The following CSGALNACT1 variants were observed in gnomAD, a reference collection of about 807,000 sequenced individuals.
CSGALNACT1 encodes chondroitin sulfate N-acetylgalactosaminyltransferase 1.
In CSGALNACT1, 52 loss-of-function variants were observed where a neutral mutation model predicts 51.0. The observed-to-expected ratio is 1.02, with a 90% confidence interval of 0.82 to 1.29. The LOEUF (loss-of-function observed/expected upper bound fraction) is 1.29, where lower values mean the gene tolerates loss of function less well. CSGALNACT1 is among the 50% of genes most tolerant of loss of function. The pLI is 0.00. For synonymous variants in CSGALNACT1, 341 were observed against 254.4 expected (o/e 1.34, Z -3.24); for missense variants, 935 against 679.2 (o/e 1.38, Z -4.19).
At chr8:19,576,702 G>A (rs1311714842) in intron 3 of CSGALNACT1, among the ~76,000 whole-genome samples, 1 of 151,950 alleles carries the variant, frequency 6.6e-6, no homozygotes, top group Non-Finnish European at 1.5e-5. Flanking sequence ...CTACCCTGCT[G>A]TGATATGACA....
intron 4 of CSGALNACT1, among the ~76,000 whole-genome samples, chr8:19,498,436 G>A (rs2075849199): frequency 6.6e-6 from 1 of 152,188 alleles, no homozygotes; most frequent in Non-Finnish European, 1.5e-5. Flanking sequence ...GAGCAGCACT[G>A]CCTGCCATAC....
chr8:19,424,119 G>T (rs1364232657), intron 6 of CSGALNACT1, among the ~76,000 whole-genome samples: 1 of 152,162 alleles, frequency 6.6e-6, no homozygotes, highest in Non-Finnish European at 1.5e-5. Flanking sequence ...TGTTAGAGCT[G>T]CTCTGAAGCC....
At chr8:19,545,982 A>G (rs1275618682) in intron 3 of CSGALNACT1, among the ~76,000 whole-genome samples, 1 of 151,888 alleles carries the variant, frequency 6.6e-6, no homozygotes, top group African/African-American at 2.4e-5. Flanking sequence ...GTATAGTTAT[A>G]GTGTGTGATT....
chr8:19,547,975 A>G (rs1211912347), intron 3 of CSGALNACT1, among the ~76,000 whole-genome samples: 1 of 152,210 alleles, frequency 6.6e-6, no homozygotes, highest in Non-Finnish European at 1.5e-5. Flanking sequence ...AGTTCCCACC[A>G]TATTCCCGGC....
chr8:19,536,049 ACATGATCTAT>A (rs1587989665), intron 3 of CSGALNACT1, among the ~76,000 whole-genome samples: 2 of 152,186 alleles, frequency 1.3e-5, no homozygotes, highest in Non-Finnish European at 2.9e-5. Flanking sequence ...TTTGCAGAAG[ACATGATCTAT>A]ATAGGCAATG....
At chr8:19,505,975 G>C (rs1457458151) in exon 4 of CSGALNACT1, 8 of 921,216 alleles carry the variant, frequency 8.7e-6, no homozygotes, top group South Asian at 4.2e-5. Flanking sequence ...TCTAGAACGA[G>C]TTCTGCCTCT....
chr8:19,586,678 T>C (rs182907546), intron 3 of CSGALNACT1, among the ~76,000 whole-genome samples: 21 of 152,240 alleles, frequency 1.4e-4, no homozygotes, highest in African/African-American at 5.1e-4. Context: ...TTTCCTGATT[T>C]TTCCCAAAAT....
rs572116118 is a variant in CSGALNACT1 at position 19,458,361 on chromosome 8, G to T, written c.851+65C>A. 2.3e-5 allele frequency: 29 copies of T among 1,283,140 alleles called. No individual in the cohort carries two copies. In the Admixed American group the frequency reaches 3.5e-4, roughly 16 times the overall value. 79.5% of individuals were successfully genotyped at this position (1,283,140 alleles called of 1,614,324 possible). ...GCAGGGGAAATGAAGGAGATGACGGGAAATGATATCAGTGTTCTAACACAC... is the reference window on the plus strand; with the variant it reads ...GCAGGGGAAATGAAGGAGATGACGGTAAATGATATCAGTGTTCTAACACAC... On this transcript the variant is annotated intron_variant, in intron 5 of 9. Transcript: ENST00000454498.
chr8:19,407,905 TTGTGTGTGTGTGTGTGTGTGTG>T (rs60746708), intron 9 of CSGALNACT1, among the ~76,000 whole-genome samples: 62 of 112,788 alleles, frequency 5.5e-4, no homozygotes, highest in South Asian at 1.4e-3. Flanking sequence ...TGTATATGAA[TTGTGTGTGTGTGTGTGTGTGTG>T]TGTGTGTGTG....
chr8:19,705,181 T>C (rs1589610941), intron 1 of CSGALNACT1, among the ~76,000 whole-genome samples: 1 of 152,314 alleles, frequency 6.6e-6, no homozygotes, highest in East Asian at 1.9e-4. Flanking sequence ...CTTAACTGTA[T>C]GTAATTTTTG....
At chr8:19,749,393 G>T (rs2064890071) in intron 1 of CSGALNACT1, among the ~76,000 whole-genome samples, 1 of 151,448 alleles carries the variant, frequency 6.6e-6, no homozygotes, top group Non-Finnish European at 1.5e-5. Context: ...TCTTGCACCT[G>T]GGCAGGTTCT....
At chr8:19,525,254 C>T (rs755345944) in intron 3 of CSGALNACT1, among the ~76,000 whole-genome samples, 28 of 151,978 alleles carry the variant, frequency 1.8e-4, no homozygotes, top group Admixed American at 2.0e-4. Context: ...AAAACTAAAA[C>T]ACTCATTGTG....
intron 6 of CSGALNACT1, among the ~76,000 whole-genome samples, chr8:19,428,842 TGTG>T: frequency 7.7e-6 from 1 of 129,868 alleles, no homozygotes; most frequent in Non-Finnish European, 1.7e-5. Flanking sequence ...TGTGTGTGTG[TGTG>T]TGTGTGTGTG....
chr8:19,407,731 G>A (rs979979268), intron 9 of CSGALNACT1, among the ~76,000 whole-genome samples: 1 of 152,098 alleles, frequency 6.6e-6, no homozygotes, highest in Non-Finnish European at 1.5e-5. Context: ...GTGCATATTT[G>A]TGTATGAATT....
intron 1 of CSGALNACT1, among the ~76,000 whole-genome samples, chr8:19,716,560 T>C (rs2062817498): frequency 1.5e-5 from 2 of 135,732 alleles, no homozygotes; most frequent in South Asian, 4.6e-4. Context: ...GACAGATCAC[T>C]TGATGCCAGG....
chr8:19,634,497 C>A (rs907390637), intron 1 of CSGALNACT1, among the ~76,000 whole-genome samples: 5 of 151,934 alleles, frequency 3.3e-5, no homozygotes, highest in Admixed American at 6.6e-5. Context: ...CCCTGTCTCT[C>A]CAAAACATTA....
At chr8:19,572,688 G>T (rs1000941848) in intron 3 of CSGALNACT1, among the ~76,000 whole-genome samples, 1 of 152,168 alleles carries the variant, frequency 6.6e-6, no homozygotes, top group Non-Finnish European at 1.5e-5. Flanking sequence ...TGCAAGGCAC[G>T]ATTCCCATGC....
intron 2 of CSGALNACT1, among the ~76,000 whole-genome samples, chr8:19,596,559 T>C (rs2048943549): frequency 6.6e-6 from 1 of 151,598 alleles, no homozygotes; most frequent in South Asian, 2.1e-4. Context: ...TTCTGAATCA[T>C]GTTTTAACTG....
At chr8:19,509,320 T>A (rs955609133) in intron 3 of CSGALNACT1, among the ~76,000 whole-genome samples, 6 of 152,116 alleles carry the variant, frequency 3.9e-5, no homozygotes, top group African/African-American at 1.4e-4. Context: ...CAAAACATCA[T>A]TCTTAAAAGT....
Sources: gnomAD v4.1 joint callset for allele counts (sites outside exome capture counted in the v4.1 genomes callset) on GRCh38, gnomAD v4.1.1 for gene constraint, MANE v1.5 for transcripts, NCBI Gene and HGNC (gene_info 2026-07-23, HGNC 2026-07-21) for gene names.